The following LRSAM1 variants were observed in gnomAD, a reference collection of about 807,000 sequenced individuals.
The protein encoded by LRSAM1 is E3 ubiquitin-protein ligase LRSAM1.
Under a neutral mutation model 118.1 loss-of-function variants are expected in LRSAM1, and 96 were observed. That is an observed-to-expected ratio of 0.81 (90% CI 0.69 to 0.96). The LOEUF (loss-of-function observed/expected upper bound fraction) is 0.96, where lower values mean the gene tolerates loss of function less well. Ranked by LOEUF, LRSAM1 falls within the 40% of genes least tolerant of loss-of-function variation. The pLI is 0.00. For missense variants in LRSAM1, 804 were observed against 915.5 expected, an observed-to-expected ratio of 0.88 and a Z score of 1.57; for synonymous variants, 322 against 364.2, an observed-to-expected ratio of 0.88 and a Z score of 1.32.
At chr9:127,486,210 G>T (rs1835724530) in intron 17 of LRSAM1, among the ~76,000 whole-genome samples, 1 of 152,272 alleles carries the variant, frequency 6.6e-6, no homozygotes, top group Admixed American at 6.5e-5. Flanking sequence ...AAGCCAGCAG[G>T]TGGCGGAGCC....
intron 9 of LRSAM1, 21 bp from the exon 10 acceptor site, chr9:127,467,719 G>T: frequency 6.2e-7 from 1 of 1,602,278 alleles, no homozygotes; most frequent in South Asian, 1.1e-5. Context: ...ACAGTAAAGC[G>T]GGTTACCCTT....
rs745672498 is a variant in LRSAM1 at position 127,501,013 on chromosome 9, T to C, written c.1916T>C (p.Leu639Pro). ...TCTGTCTGTCTGGTCCCCACAGAGC[T>C]GAAACCACCAATGGGTGAGGTCGTC... is the stretch of plus-strand genomic sequence containing the variant. ...LLDAARIQPE[L>P]KPPMGEVVTP... The change falls in exon 25 of 26, where the codon CTG becomes CCG. Residue 639 changes from leucine (L) to proline (P), a missense_variant. Physicochemically the swap from Leu to Pro is moderately conservative, Grantham distance 98. Transcript: ENST00000300417. 2 of 1,613,940 alleles carry C rather than the reference T, an allele frequency of 1.2e-6. No individual in the cohort carries two copies. Among genetic ancestry groups the C allele is most frequent in the Non-Finnish European group, 1.7e-6 (2 of 1,180,002 alleles).
In LRSAM1 at chr9:127,467,815, C is replaced by G. The variant is rs746274685; in HGVS notation, c.604C>G (p.Gln202Glu). 52 of 1,601,234 alleles carry G rather than the reference C, an allele frequency of 3.2e-5. 1 individual carries two copies. Among genetic ancestry groups the G allele is most frequent in the Non-Finnish European group, 4.2e-5 (49 of 1,175,804 alleles). ...VCGAGTAAIL[Q>E]FLCKESGLEY... ...TGGTGCCGGCACTGCGGCCATCTTG[C>G]AGTTCCTCTGCAAAGGTAAAGCCAG... The change falls in exon 10 of 26, where the codon CAG becomes GAG. Residue 202 changes from glutamine to glutamate, a missense_variant. Transcript: ENST00000300417.
chr9:127,461,639 C>T (rs1487180814), intron 8 of LRSAM1, among the ~76,000 whole-genome samples: 1 of 152,224 alleles, frequency 6.6e-6, no homozygotes, highest in Non-Finnish European at 1.5e-5. Context: ...CTGAGGAGTC[C>T]ACTGGGCAGG....
chr9:127,487,707 A>T lies in LRSAM1; in HGVS notation c.1291A>T (p.Ile431Phe). Residue 431 changes from isoleucine (I) to phenylalanine (F), a missense_variant, in exon 18 of 26, where the codon ATT becomes TTT. Physicochemically the swap from Ile to Phe is conservative, Grantham distance 21. Transcript: ENST00000300417. The stretch of plus-strand genomic sequence containing the variant: ...CGAAATGGATGAACGATTCCAGCAG[A>T]TTCTGTCGTGGCAGCAAATGGATCA... ...MAEMDERFQQ[I>F]LSWQQMDQNK... is the part of the protein sequence containing the mutation. The T allele has an allele frequency of 1.9e-6, 3 of 1,613,856 alleles. No homozygotes were observed. Among genetic ancestry groups the T allele is most frequent in the Non-Finnish European group, 2.5e-6 (3 of 1,179,934 alleles).
At position 127,481,213 on chromosome 9, in the gene LRSAM1, G is replaced by C; in HGVS notation, c.1074G>C (p.Ser358=). 1 of 1,613,244 alleles carries C rather than the reference G, an allele frequency of 6.2e-7. No homozygotes were observed. Among genetic ancestry groups the C allele is most frequent in the South Asian group, 1.1e-5 (1 of 91,048 alleles). Residue 358 remains serine, a synonymous_variant, in exon 15 of 26, where the codon TCG becomes TCC. Coordinates refer to ENST00000300417, the MANE Select transcript of LRSAM1 (RefSeq NM_001005373.4). ...RQKKSSEILK[S]LENERIRMEQ... The stretch of plus-strand genomic sequence containing the variant: ...AGAAAAGCTCCGAGATTTTGAAATC[G>C]CTGGAAAATGAAAGGTAAGTGTTCT...
At chr9:127,489,554 C>T in intron 19 of LRSAM1, 36 bp downstream of exon 19, 1 of 1,579,200 alleles carries the variant, frequency 6.3e-7, no homozygotes, top group Non-Finnish European at 8.6e-7. Flanking sequence ...GACCTGCTCT[C>T]TCAGAGACTT....
intron 10 of LRSAM1, among the ~76,000 whole-genome samples, chr9:127,469,839 C>T (rs1435287812): frequency 6.6e-6 from 1 of 152,070 alleles, no homozygotes; most frequent in East Asian, 1.9e-4. Context: ...GTGGCGGGCG[C>T]CTGTAGTCCC....
chr9:127,500,935 G>C (rs1836361980), intron 24 of LRSAM1, 75 bp from the exon 25 acceptor site: 1 of 1,608,268 alleles, frequency 6.2e-7, no homozygotes, highest in Non-Finnish European at 8.5e-7. Flanking sequence ...GGGATGGGCA[G>C]GGCCACAATG....
At chr9:127,477,772 G>T (rs1259035482) in intron 11 of LRSAM1, among the ~76,000 whole-genome samples, 1 of 151,912 alleles carries the variant, frequency 6.6e-6, no homozygotes, top group Non-Finnish European at 1.5e-5. Context: ...TGTGGGCCGG[G>T]CGCAGTGGCT....
At chr9:127,485,306 C>G (rs555975925) in intron 16 of LRSAM1, among the ~76,000 whole-genome samples, 38 of 152,176 alleles carry the variant, frequency 2.5e-4, no homozygotes, top group African/African-American at 9.1e-4. Flanking sequence ...ACCTGTAATC[C>G]CAGCACTTTG....
Position 127,462,503 on chromosome 9 carries a change from G to A in LRSAM1, c.528+130G>A, listed in dbSNP as rs972679151. 6.8e-6 allele frequency: 10 copies of A among 1,473,280 alleles called. No homozygotes were observed. In the Admixed American group the frequency reaches 1.7e-4, roughly 25 times the overall value. 91.3% of individuals were successfully genotyped at this position (1,473,280 alleles called of 1,614,324 possible). ...ACAGAGATCCCAAGGCATGGTCCTT[G>A]GAGGCTTGTAGAGAGGCCAATGTGT... On this transcript the variant is annotated intron_variant, in intron 9 of 25. Coordinates refer to ENST00000300417, the MANE Select transcript of LRSAM1 (RefSeq NM_001005373.4).
chr9:127,475,721 G>A (rs1835327222), intron 11 of LRSAM1, among the ~76,000 whole-genome samples: 2 of 151,926 alleles, frequency 1.3e-5, no homozygotes, highest in South Asian at 4.1e-4. Flanking sequence ...TTGACAGTAG[G>A]TGTCAAAAAA....
intron 8 of LRSAM1, among the ~76,000 whole-genome samples, chr9:127,461,872 CAT>C (rs1488206961): frequency 1.3e-5 from 2 of 152,244 alleles, no homozygotes; most frequent in East Asian, 1.9e-4. Context: ...TCAACTGTAA[CAT>C]ATGAGTAATG....
intron 24 of LRSAM1, among the ~76,000 whole-genome samples, chr9:127,499,145 G>A (rs1836271847): frequency 6.6e-6 from 1 of 152,064 alleles, no homozygotes; most frequent in Non-Finnish European, 1.5e-5. Context: ...GGCCTACGTG[G>A]GAGGATCACT....
chr9:127,497,196 C>T (rs1039464531), intron 23 of LRSAM1, 57 bp from the exon 24 acceptor site: 18 of 1,579,202 alleles, frequency 1.1e-5, no homozygotes, highest in Middle Eastern at 1.7e-4. Flanking sequence ...ACGTGGCTCA[C>T]ACCATTTAGC....
Position 127,467,863 on chromosome 9 carries a change from G to A in LRSAM1, c.619+33G>A, listed in dbSNP as rs1352427834. ...CAGGCCGCTGCCTCCTCCCCTCATTGAGGAACTATGACCCCCATGGCCACC... is the reference window on the plus strand; with the variant it reads ...CAGGCCGCTGCCTCCTCCCCTCATTAAGGAACTATGACCCCCATGGCCACC... On this transcript the variant is annotated intron_variant, in intron 10 of 25. Transcript: ENST00000300417. 3.9e-6 allele frequency: 6 copies of A among 1,545,812 alleles called. No individual in the cohort carries two copies. In the African/African-American group the frequency reaches 8.1e-5, roughly 21 times the overall value.
chr9:127,459,045 G>T lies in LRSAM1; in HGVS notation c.295G>T (p.Asp99Tyr). 1.2e-6 allele frequency: 2 copies of T among 1,613,736 alleles called. No homozygotes were observed. The highest frequency in any genetic ancestry group is 1.6e-4 in the Middle Eastern group (1 of 6,062). Residue 99 changes from aspartate (D) to tyrosine (Y), a missense_variant, in exon 7 of 26, where the codon GAT becomes TAT. Coordinates refer to ENST00000300417, the MANE Select transcript of LRSAM1 (RefSeq NM_001005373.4). ...TAATCAGCTGACAGCCCTTCCTGAC[G>T]ATCTGGGGCAGCTGACTGCCCTCCA... is the stretch of plus-strand genomic sequence containing the variant. ...HDNQLTALPD[D>Y]LGQLTALQVL...
At chr9:127,494,258 C>T (rs1836039759) in intron 21 of LRSAM1, among the ~76,000 whole-genome samples, 2 of 152,216 alleles carry the variant, frequency 1.3e-5, no homozygotes, top group African/African-American at 2.4e-5. Flanking sequence ...AGGAGGGGCC[C>T]GCAAAGGGCA....
Sources: allele counts gnomAD v4.1 joint callset (sites outside exome capture counted in the v4.1 genomes callset), GRCh38; gene constraint gnomAD v4.1.1; transcripts MANE v1.5; gene names NCBI Gene and HGNC (gene_info 2026-07-23, HGNC 2026-07-21).